Variants in CCDC172 observed in about 807,000 individuals in gnomAD.
The protein encoded by CCDC172 is coiled-coil domain-containing protein 172.
A neutral mutation model predicts 38.0 loss-of-function variants in CCDC172; 30 were observed. The observed-to-expected ratio is 0.79, with a 90% CI of 0.59 to 1.07. The LOEUF (loss-of-function observed/expected upper bound fraction) is 1.07, where lower values mean the gene tolerates loss of function less well. Among genes scored for constraint, CCDC172 ranks in the 50% least tolerant of loss-of-function variants. CCDC172 has a pLI of 0.00. For synonymous variants in CCDC172, 78 were observed against 88.3 expected, an observed-to-expected ratio of 0.88 and a Z score of 0.66; for missense variants, 297 against 290.1, an observed-to-expected ratio of 1.02 and a Z score of -0.17.
chr10:116,363,684 C>T (rs1251201119), intron 7 of CCDC172, among the ~76,000 whole-genome samples: 1 of 151,996 alleles, frequency 6.6e-6, no homozygotes. Context: ...CGTCTATAAT[C>T]CCAACACTTT....
intron 7 of CCDC172, among the ~76,000 whole-genome samples, chr10:116,364,104 G>T (rs1250414912): frequency 1.3e-5 from 2 of 151,954 alleles, no homozygotes; most frequent in Non-Finnish European, 2.9e-5. Flanking sequence ...TAAATTAGTG[G>T]TTCTTTATCC....
At chr10:116,376,504 A>C (rs750206621) in intron 7 of CCDC172, among the ~76,000 whole-genome samples, 43 of 152,218 alleles carry the variant, frequency 2.8e-4, no homozygotes, top group Non-Finnish European at 4.7e-4. Context: ...TAATGCCAGA[A>C]ATGGAAAACT....
At chr10:116,360,317 C>T (rs1265868111) in intron 7 of CCDC172, among the ~76,000 whole-genome samples, 1 of 152,086 alleles carries the variant, frequency 6.6e-6, no homozygotes, top group African/African-American at 2.4e-5. Context: ...ACCCAGCTCT[C>T]CCCCCACTTA....
chr10:116,356,422 T>C (rs756668871), intron 5 of CCDC172, among the ~76,000 whole-genome samples: 50 of 137,804 alleles, frequency 3.6e-4, no homozygotes, highest in Middle Eastern at 3.6e-3. Flanking sequence ...AAACCTGATA[T>C]GAAAAATTTC....
intron 3 of CCDC172, among the ~76,000 whole-genome samples, chr10:116,336,914 T>G (rs1042519311): frequency 2.0e-5 from 3 of 152,130 alleles, no homozygotes; most frequent in Non-Finnish European, 4.4e-5. Context: ...GCAAGAGTAG[T>G]GAAAAGTCAC....
At chr10:116,325,257 G>T in intron 2 of CCDC172, 46 bp from the exon 3 acceptor site, 1 of 1,565,180 alleles carries the variant, frequency 6.4e-7, no homozygotes, top group Non-Finnish European at 8.8e-7. Context: ...CCAAAATGGG[G>T]ACTTTAGAAA....
Position 116,361,372 on chromosome 10 carries a change from T to C in CCDC172, c.653+3434T>C, listed in dbSNP as rs1460736346. On this transcript the variant is annotated intron_variant, in intron 7 of 8. Transcript: ENST00000333254. The stretch of plus-strand genomic sequence containing the variant: ...TTTTTATTTACTCCAAATTATAACA[T>C]AACAGACAATTTTAAACATTTCAGG... Among the ~76,000 whole-genome samples the C allele has an allele frequency of 2.0e-5, 3 of 152,302 alleles. No individual in the cohort carries two copies. In the East Asian group the frequency reaches 5.8e-4, roughly 29 times the overall value.
intron 5 of CCDC172, among the ~76,000 whole-genome samples, chr10:116,355,712 G>C (rs1209091732): frequency 6.6e-6 from 1 of 152,140 alleles, no homozygotes; most frequent in Non-Finnish European, 1.5e-5. Flanking sequence ...ATAGAAGCCA[G>C]ATGCAAAAGA....
chr10:116,378,632 C>T lies in CCDC172; in HGVS notation c.741+122C>T, dbSNP rs566753988. The T allele has an allele frequency of 7.9e-5, 57 of 717,614 alleles. No individual in the cohort carries two copies. The South Asian group carries it at 1.0e-3, about 13-fold the overall frequency. 44.5% of individuals were successfully genotyped at this position (717,614 alleles called of 1,614,324 possible). A position where few individuals can be genotyped will look rare whatever the true frequency, so the allele number is the denominator to read the frequency against. The stretch of plus-strand genomic sequence containing the variant: ...AATCCCTCTGCAAAAAACAGAAAAG[C>T]AATAATGAAGATAACTAGGATCAGG... On this transcript the variant is annotated intron_variant, in intron 8 of 8. Transcript: ENST00000333254.
chr10:116,348,233 A>G (rs1844890001), intron 5 of CCDC172, among the ~76,000 whole-genome samples: 1 of 152,082 alleles, frequency 6.6e-6, no homozygotes, highest in Non-Finnish European at 1.5e-5. Flanking sequence ...TTAAGCAGAT[A>G]TTAGAGCTGT....
chr10:116,346,091 A>T (rs981352543), intron 5 of CCDC172, among the ~76,000 whole-genome samples: 1 of 151,946 alleles, frequency 6.6e-6, no homozygotes, highest in Admixed American at 6.6e-5. Flanking sequence ...TCAGGAGTTC[A>T]AGACCAGCCT....
intron 5 of CCDC172, among the ~76,000 whole-genome samples, chr10:116,344,150 C>CACAGA (rs375377612): frequency 2.6e-5 from 4 of 151,914 alleles, no homozygotes; most frequent in African/African-American, 9.7e-5. Flanking sequence ...GGAACAAAAA[C>CACAGA]ACAGAACAGA....
At chr10:116,368,871 C>T (rs1309215479) in intron 7 of CCDC172, among the ~76,000 whole-genome samples, 1 of 152,006 alleles carries the variant, frequency 6.6e-6, no homozygotes, top group East Asian at 1.9e-4. Flanking sequence ...CTTCTCCTTC[C>T]TCCATTCTGT....
At chr10:116,369,229 T>C (rs1347785613) in intron 7 of CCDC172, among the ~76,000 whole-genome samples, 1 of 152,026 alleles carries the variant, frequency 6.6e-6, no homozygotes, top group Non-Finnish European at 1.5e-5. Flanking sequence ...CTCAGCTTTA[T>C]TGATGGAATT....
At chr10:116,357,599 T>C in intron 6 of CCDC172, 118 bp downstream of exon 6, 3 of 936,456 alleles carry the variant, frequency 3.2e-6, no homozygotes, top group East Asian at 3.1e-5. Context: ...ATTATTGGTA[T>C]AAAAAAGAAA....
chr10:116,359,273 A>G (rs996535068), intron 7 of CCDC172, among the ~76,000 whole-genome samples: 1 of 152,216 alleles, frequency 6.6e-6, no homozygotes, highest in Non-Finnish European at 1.5e-5. Flanking sequence ...ACAATAAGAC[A>G]TTGATTCAGC....
intron 5 of CCDC172, among the ~76,000 whole-genome samples, chr10:116,351,272 A>G (rs1042867338): frequency 1.3e-5 from 2 of 152,088 alleles, no homozygotes; most frequent in African/African-American, 4.8e-5. Context: ...TTGAATATTA[A>G]TATGTAGTTA....
At chr10:116,357,090 T>C (rs2134949264) in intron 5 of CCDC172, among the ~76,000 whole-genome samples, 1 of 152,300 alleles carries the variant, frequency 6.6e-6, no homozygotes. Context: ...TGTTTAGTTT[T>C]CTATTTCTTT....
chr10:116,338,810 C>T (rs1045036870), intron 3 of CCDC172, among the ~76,000 whole-genome samples: 6 of 152,080 alleles, frequency 3.9e-5, no homozygotes, highest in South Asian at 2.1e-4. Context: ...TTTAGAAATC[C>T]GTTAGTTTGA....
Sources: gnomAD v4.1 joint callset for allele counts (sites outside exome capture counted in the v4.1 genomes callset) on GRCh38, gnomAD v4.1.1 for gene constraint, MANE v1.5 for transcripts, NCBI Gene and HGNC (gene_info 2026-07-23, HGNC 2026-07-21) for gene names.